Variants in ITGB3BP observed in about 807,000 individuals in gnomAD.
The protein encoded by ITGB3BP is centromere protein R.
ITGB3BP carries 27 observed loss-of-function variants against 29.1 expected under a neutral mutation model. The observed-to-expected ratio is 0.93, with a 90% CI of 0.68 to 1.28. The LOEUF (loss-of-function observed/expected upper bound fraction) is 1.28. ITGB3BP is among the 50% of genes most tolerant of loss of function. The pLI is 0.00. For missense variants in ITGB3BP, 192 were observed against 200.2 expected (o/e 0.96, Z 0.25); for synonymous variants, 61 against 61.4 (o/e 0.99, Z 0.03).
intron 1 of ITGB3BP, among the ~76,000 whole-genome samples, chr1:63,517,209 G>T (rs1422866796): frequency 1.3e-5 from 2 of 151,844 alleles, no homozygotes; most frequent in African/African-American, 4.8e-5. Context: ...AAAAAGAAAT[G>T]TTTGTTAGGA....
chr1:63,502,136 G>A (rs1051269212), intron 2 of ITGB3BP, among the ~76,000 whole-genome samples: 5 of 152,084 alleles, frequency 3.3e-5, no homozygotes, highest in Non-Finnish European at 7.4e-5. Flanking sequence ...GACTGCCATC[G>A]GCAACAGTTT....
At chr1:63,477,114 G>C (rs181783752) in intron 4 of ITGB3BP, among the ~76,000 whole-genome samples, 2 of 152,274 alleles carry the variant, frequency 1.3e-5, no homozygotes, top group East Asian at 3.9e-4. Flanking sequence ...GCTACTAAAA[G>C]CAAACAGAGG....
chr1:63,516,152 G>A (rs1646315369), intron 1 of ITGB3BP, among the ~76,000 whole-genome samples: 1 of 151,428 alleles, frequency 6.6e-6, no homozygotes, highest in South Asian at 2.1e-4. Context: ...GCCAGGCATG[G>A]TGGCTCACAT....
At chr1:63,483,864 C>T (rs962793102) in intron 3 of ITGB3BP, among the ~76,000 whole-genome samples, 1 of 152,066 alleles carries the variant, frequency 6.6e-6, no homozygotes, top group African/African-American at 2.4e-5. Flanking sequence ...AGGTTTGCAG[C>T]CTAGGAACAA....
chr1:63,504,165 T>G (rs375654916), intron 2 of ITGB3BP, among the ~76,000 whole-genome samples: 3 of 152,042 alleles, frequency 2.0e-5, no homozygotes, highest in Admixed American at 6.5e-5. Context: ...TTCTTCCATT[T>G]CTTTGTATCC....
chr1:63,510,199 G>A (rs1646170401), intron 1 of ITGB3BP: 1 of 468,438 alleles, frequency 2.1e-6, no homozygotes. Flanking sequence ...AAAAAAAAAA[G>A]AAAAAGAAAA....
At chr1:63,495,018 G>A (rs758354666) in intron 2 of ITGB3BP, among the ~76,000 whole-genome samples, 1 of 152,110 alleles carries the variant, frequency 6.6e-6, no homozygotes, top group Admixed American at 6.5e-5. Context: ...CATTGCCCAA[G>A]CTTGTCCCAA....
intron 4 of ITGB3BP, among the ~76,000 whole-genome samples, chr1:63,476,884 T>C (rs114472519): frequency 7.4e-4 from 112 of 152,362 alleles, no homozygotes; most frequent in Middle Eastern, 3.4e-3. Flanking sequence ...TTTGAACTTT[T>C]TCCTGTGTAC....
At chr1:63,493,090 G>GCA (rs1557639801) in intron 2 of ITGB3BP, among the ~76,000 whole-genome samples, 22 of 141,660 alleles carry the variant, frequency 1.6e-4, no homozygotes, top group Admixed American at 1.2e-3. Flanking sequence ...ACACACACAC[G>GCA]CGCGCGCGCG....
chr1:63,491,742 ATTGT>A (rs1368586126), intron 2 of ITGB3BP, among the ~76,000 whole-genome samples: 3 of 152,162 alleles, frequency 2.0e-5, no homozygotes, highest in Non-Finnish European at 2.9e-5. Context: ...AATGAAAGGC[ATTGT>A]TTATTTTATG....
chr1:63,479,650 T>C (rs1175721170), intron 3 of ITGB3BP, among the ~76,000 whole-genome samples: 1 of 152,146 alleles, frequency 6.6e-6, no homozygotes, highest in Non-Finnish European at 1.5e-5. Flanking sequence ...TTCTGTTCTA[T>C]GATTTTGACT....
chr1:63,513,636 A>C (rs897298282), intron 1 of ITGB3BP, among the ~76,000 whole-genome samples: 4 of 152,076 alleles, frequency 2.6e-5, no homozygotes, highest in Non-Finnish European at 2.9e-5. Flanking sequence ...CACACACACA[A>C]AAACATTTCT....
At chr1:63,528,458 G>A (rs2100864326) in intron 2 of ITGB3BP, among the ~76,000 whole-genome samples, 1 of 152,006 alleles carries the variant, frequency 6.6e-6, no homozygotes, top group South Asian at 2.1e-4. Flanking sequence ...GGTAGGGGGA[G>A]AAAATAGAAA....
intron 1 of ITGB3BP, among the ~76,000 whole-genome samples, chr1:63,510,740 T>C (rs1646182485): frequency 6.6e-6 from 1 of 152,068 alleles, no homozygotes; most frequent in Non-Finnish European, 1.5e-5. Context: ...CTGTGCATAA[T>C]AAATCTTTAT....
At chr1:63,490,636 G>A (rs1399765977) in intron 2 of ITGB3BP, among the ~76,000 whole-genome samples, 1 of 152,142 alleles carries the variant, frequency 6.6e-6, no homozygotes, top group Non-Finnish European at 1.5e-5. Context: ...GATCACTGCT[G>A]TCCTACAGCT....
chr1:63,528,417 AT>A (rs1043634911), intron 2 of ITGB3BP, among the ~76,000 whole-genome samples: 9 of 152,150 alleles, frequency 5.9e-5, no homozygotes, highest in African/African-American at 2.2e-4. Context: ...GAGTAAAATG[AT>A]GGTTACCAGA....
chr1:63,524,561 A>G (rs1646546328), upstream of ITGB3BP, among the ~76,000 whole-genome samples: 1 of 152,092 alleles, frequency 6.6e-6, no homozygotes, highest in African/African-American at 2.4e-5. Flanking sequence ...TACCTGTGTT[A>G]TCTTATTATT....
rs1165420904 is a variant in ITGB3BP, at chr1:63,508,525, T to G, written c.48+3A>C. ...AATGACAAACTTTTAAGCAAATACT[T>G]ACATTTTCTTCTAACAGACCATCCA... On this transcript the variant is annotated splice_donor_region_variant and intron_variant, in intron 2 of 8. Coordinates refer to ENST00000271002, the MANE Select transcript of ITGB3BP (RefSeq NM_014288.5). 2 of 1,400,534 alleles carry G rather than the reference T, an allele frequency of 1.4e-6. No individual in the cohort carries two copies. Among genetic ancestry groups the G allele is most frequent in the Non-Finnish European group, 1.9e-6 (2 of 1,026,646 alleles). 86.8% of individuals were successfully genotyped at this position (1,400,534 alleles called of 1,614,324 possible). A position where few individuals can be genotyped will look rare whatever the true frequency, so the allele number is the denominator to read the frequency against.
intron 4 of ITGB3BP, among the ~76,000 whole-genome samples, chr1:63,462,683 T>G (rs1645036559): frequency 6.6e-6 from 1 of 152,358 alleles, no homozygotes; most frequent in South Asian, 2.1e-4. Context: ...TAGGCTTATA[T>G]CTTCATCCTA....
Sources: allele counts gnomAD v4.1 joint callset (sites outside exome capture counted in the v4.1 genomes callset), GRCh38; gene constraint gnomAD v4.1.1; transcripts MANE v1.5; gene names NCBI Gene and HGNC (gene_info 2026-07-23, HGNC 2026-07-21).